Variants in FHIT observed in about 807,000 individuals in gnomAD.
FHIT encodes bis(5'-adenosyl)-triphosphatase.
FHIT carries 19 observed loss-of-function variants against 17.9 expected under a neutral mutation model. The ratio of observed to expected loss-of-function variants is 1.06; its 90% CI spans 0.74 to 1.56. The LOEUF is 1.56. Ranked by LOEUF, FHIT falls within the 40% of genes most tolerant of loss-of-function variation. The probability of loss-of-function intolerance (pLI) is 0.00; values close to 1 mark genes in which losing one functional copy is unlikely to be tolerated. For synonymous variants in FHIT, 81 were observed against 69.7 expected (o/e 1.16, Z -0.81); for missense variants, 248 against 189.2 (o/e 1.31, Z -1.82).
At chr3:60,819,082 A>G (rs1432989690) in intron 4 of FHIT, among the ~76,000 whole-genome samples, 1 of 133,734 alleles carries the variant, frequency 7.5e-6, no homozygotes, top group Non-Finnish European at 1.6e-5. Context: ...TTTATAGTTG[A>G]TATCTGTGAG....
intron 4 of FHIT, among the ~76,000 whole-genome samples, chr3:60,552,823 A>T (rs1308486845): frequency 6.6e-6 from 1 of 152,222 alleles, no homozygotes; most frequent in African/African-American, 2.4e-5. Context: ...TTATACTTTT[A>T]ACAGTCTCAT....
intron 5 of FHIT, among the ~76,000 whole-genome samples, chr3:60,254,847 T>C (rs1251094681): frequency 1.3e-5 from 2 of 152,208 alleles, no homozygotes; most frequent in African/African-American, 2.4e-5. Context: ...TCTGGGGATT[T>C]TCCTAATGGG....
chr3:60,697,415 C>T (rs909872218), intron 4 of FHIT, among the ~76,000 whole-genome samples: 1 of 152,090 alleles, frequency 6.6e-6, no homozygotes, highest in African/African-American at 2.4e-5. Context: ...GTCATATGCA[C>T]TTTTCCTGTA....
At chr3:60,749,590 T>C (rs2042426759) in intron 4 of FHIT, among the ~76,000 whole-genome samples, 1 of 152,176 alleles carries the variant, frequency 6.6e-6, no homozygotes, top group African/African-American at 2.4e-5. Flanking sequence ...GAGATCATTG[T>C]CACCACTAAC....
At chr3:60,895,260 A>C (rs782241009) in intron 3 of FHIT, among the ~76,000 whole-genome samples, 1 of 152,198 alleles carries the variant, frequency 6.6e-6, no homozygotes, top group African/African-American at 2.4e-5. Flanking sequence ...ATACTACCTA[A>C]GTGATAGCAT....
rs534475169 is a variant in FHIT at position 60,978,495 on chromosome 3, G to T, written c.-111+63552C>A. 4.6e-5 allele frequency among the ~76,000 whole-genome samples: 7 copies of T among 152,206 alleles called. No individual in the cohort carries two copies. The South Asian group carries it at 1.5e-3, about 32-fold the overall frequency. ...TTGACTACTTCTCCTTTTTTCAGGGGCCTGCAGTAAAGAGAAATAAAGCAT... is the reference window on the plus strand; with the variant it reads ...TTGACTACTTCTCCTTTTTTCAGGGTCCTGCAGTAAAGAGAAATAAAGCAT... On this transcript the variant is annotated intron_variant, in intron 3 of 9. Transcript: ENST00000492590.
At chr3:60,607,730 C>T (rs2038652570) in intron 4 of FHIT, among the ~76,000 whole-genome samples, 1 of 152,062 alleles carries the variant, frequency 6.6e-6, no homozygotes, top group African/African-American at 2.4e-5. Flanking sequence ...GTACTAATTT[C>T]ACTAATTTAG....
At chr3:60,510,491 T>C (rs1051363956) in intron 5 of FHIT, among the ~76,000 whole-genome samples, 2 of 152,220 alleles carry the variant, frequency 1.3e-5, no homozygotes, top group African/African-American at 2.4e-5. Flanking sequence ...ATGGACCTAT[T>C]TGGCCTTTTA....
intron 5 of FHIT, among the ~76,000 whole-genome samples, chr3:60,089,504 G>A (rs1200261601): frequency 6.6e-6 from 1 of 152,132 alleles, no homozygotes; most frequent in Non-Finnish European, 1.5e-5. Flanking sequence ...TAAATGGACG[G>A]AAAGAGGCCA....
At chr3:59,808,606 C>A (rs1575529971) in intron 8 of FHIT, among the ~76,000 whole-genome samples, 1 of 152,314 alleles carries the variant, frequency 6.6e-6, no homozygotes. Flanking sequence ...TGCAGACAAT[C>A]TTCTCACTCA....
At chr3:60,503,688 C>T (rs2034612125) in intron 5 of FHIT, among the ~76,000 whole-genome samples, 1 of 151,888 alleles carries the variant, frequency 6.6e-6, no homozygotes, top group South Asian at 2.1e-4. Context: ...GAATAAGAAA[C>T]ATTAACTTTA....
chr3:60,835,787 T>C (rs1197528509), intron 3 of FHIT, among the ~76,000 whole-genome samples: 1 of 151,834 alleles, frequency 6.6e-6, no homozygotes, highest in African/African-American at 2.4e-5. Flanking sequence ...CTGGTTCATT[T>C]GTTGTTGTTG....
At chr3:60,059,632 A>G (rs561165429) in intron 5 of FHIT, among the ~76,000 whole-genome samples, 1 of 152,258 alleles carries the variant, frequency 6.6e-6, no homozygotes, top group Admixed American at 6.5e-5. Flanking sequence ...CCCTCAGCTG[A>G]ATTCTTTCTC....
intron 5 of FHIT, among the ~76,000 whole-genome samples, chr3:60,036,371 ACT>A (rs755438979): frequency 5.9e-5 from 9 of 152,022 alleles, no homozygotes; most frequent in Non-Finnish European, 8.8e-5. Context: ...GACTCTCATG[ACT>A]CTCTGAGAAC....
chr3:61,149,455 A>T (rs1315221955), intron 2 of FHIT, among the ~76,000 whole-genome samples: 2 of 151,956 alleles, frequency 1.3e-5, no homozygotes, highest in African/African-American at 2.4e-5. Context: ...TTATATTATT[A>T]AAAATAATTT....
chr3:60,872,498 C>T (rs1704455506), intron 3 of FHIT, among the ~76,000 whole-genome samples: 1 of 152,034 alleles, frequency 6.6e-6, no homozygotes, highest in Non-Finnish European at 1.5e-5. Flanking sequence ...TTCTTCTACC[C>T]AGAAAAATTC....
intron 3 of FHIT, among the ~76,000 whole-genome samples, chr3:61,039,996 G>C (rs2033431040): frequency 6.6e-6 from 1 of 152,156 alleles, no homozygotes; most frequent in Admixed American, 6.5e-5. Context: ...CAGTAGCAAA[G>C]AAAGAGCATC....
intron 5 of FHIT, among the ~76,000 whole-genome samples, chr3:60,082,086 A>G (rs76249488): frequency 0.027 from 4,085 of 152,156 alleles, 85 homozygotes; most frequent in Non-Finnish European, 0.04. Context: ...TAGTGAGCAT[A>G]GTACCCAATA....
chr3:60,495,169 C>G (rs2034245215), intron 5 of FHIT, among the ~76,000 whole-genome samples: 1 of 152,106 alleles, frequency 6.6e-6, no homozygotes, highest in Non-Finnish European at 1.5e-5. Context: ...GCCATTTTAA[C>G]TGGAGTGAGA....
Sources: allele counts gnomAD v4.1 joint callset (sites outside exome capture counted in the v4.1 genomes callset), GRCh38; gene constraint gnomAD v4.1.1; transcripts MANE v1.5; gene names NCBI Gene and HGNC (gene_info 2026-07-23, HGNC 2026-07-21).